Variants in EMSY observed in about 807,000 individuals in gnomAD.
EMSY encodes the protein BRCA2-interacting transcriptional repressor EMSY.
A neutral mutation model predicts 134.6 loss-of-function variants in EMSY; 26 were observed. The observed-to-expected ratio is 0.19, with a 90% CI of 0.14 to 0.27. The LOEUF is 0.27. Among genes scored for constraint, EMSY ranks in the 10% least tolerant of loss-of-function variants. The pLI, the probability that EMSY is intolerant of heterozygous loss-of-function variation, is 1.00. For synonymous variants in EMSY, 579 were observed against 577.8 expected, an observed-to-expected ratio of 1.00 and a Z score of -0.03; for missense variants, 1,305 against 1,611.4, an observed-to-expected ratio of 0.81 and a Z score of 3.26.
At chr11:76,550,757 G>A (rs1339141251) in exon 21 of EMSY, 2 of 152,296 alleles carry the variant, frequency 1.3e-5, no homozygotes, top group Non-Finnish European at 2.9e-5. Flanking sequence ...TCAGTTGTGT[G>A]CTAATTTATT....
chr11:76,449,411 A>C (rs1197294444), intron 2 of EMSY, among the ~76,000 whole-genome samples: 1 of 152,132 alleles, frequency 6.6e-6, no homozygotes, highest in Non-Finnish European at 1.5e-5. Flanking sequence ...TTTGTACATG[A>C]CTTCTTAGAC....
chr11:76,508,113 C>T (rs112409256), intron 9 of EMSY, among the ~76,000 whole-genome samples: 24 of 152,022 alleles, frequency 1.6e-4, no homozygotes, highest in Non-Finnish European at 2.4e-4. Flanking sequence ...TCAAACAATC[C>T]ACCTGCCACA....
chr11:76,521,546 T>C (rs1371301808), intron 11 of EMSY, among the ~76,000 whole-genome samples: 3 of 152,006 alleles, frequency 2.0e-5, no homozygotes, highest in Non-Finnish European at 4.4e-5. Context: ...GAGGATCCCT[T>C]GAGGCCAGGA....
chr11:76,526,763 A>G (rs1950860410), intron 13 of EMSY, 128 bp downstream of exon 14: 1 of 911,996 alleles, frequency 1.1e-6, no homozygotes, highest in Non-Finnish European at 1.6e-6. Flanking sequence ...GTTATGTTTG[A>G]ATGTGTTAAT....
chr11:76,544,667 C>T (rs2136767461), exon 19 of EMSY: 1 of 1,614,146 alleles, frequency 6.2e-7, no homozygotes, highest in Non-Finnish European at 8.5e-7. Flanking sequence ...GGCACAGCCC[C>T]CGCAAACTGT....
intron 9 of EMSY, among the ~76,000 whole-genome samples, chr11:76,505,560 C>G (rs905597086): frequency 6.6e-6 from 1 of 150,870 alleles, no homozygotes; most frequent in African/African-American, 2.4e-5. Flanking sequence ...AGAAAATAAT[C>G]TAAAAGAAAT....
intron 6 of EMSY, among the ~76,000 whole-genome samples, chr11:76,463,516 G>A (rs1252484725): frequency 6.6e-6 from 1 of 151,956 alleles, no homozygotes; most frequent in East Asian, 1.9e-4. Context: ...CCAGCTACTC[G>A]GGAGGCTGAG....
chr11:76,472,766 C>G, exon 8 of EMSY: 6 of 1,614,172 alleles, frequency 3.7e-6, no homozygotes, highest in Non-Finnish European at 5.1e-6. Flanking sequence ...ACACCATCAC[C>G]TATTCCTAAT....
At chr11:76,446,517 A>G (rs1229428091) in intron 1 of EMSY, among the ~76,000 whole-genome samples, 3 of 152,140 alleles carry the variant, frequency 2.0e-5, no homozygotes, top group East Asian at 1.9e-4. Context: ...CCAGGTTGGT[A>G]GTACCACCTG....
intron 9 of EMSY, among the ~76,000 whole-genome samples, chr11:76,505,846 G>C (rs1056823163): frequency 1.5e-4 from 22 of 150,144 alleles, no homozygotes; most frequent in Non-Finnish European, 2.7e-4. Context: ...AACAGAGCGA[G>C]ACTCTGTCTC....
chr11:76,546,325 C>T, intron 20 of EMSY, 28 bp downstream of exon 21: 2 of 1,581,234 alleles, frequency 1.3e-6, no homozygotes, highest in African/African-American at 1.3e-5. Context: ...AATGAGAAAT[C>T]TTGTGCATCT....
At chr11:76,472,946 T>G in intron 8 of EMSY, 106 bp downstream of exon 9, 1 of 1,225,738 alleles carries the variant, frequency 8.2e-7, no homozygotes. Context: ...TCCCTACTAT[T>G]AGACCCAAGA....
At chr11:76,494,810 A>G (rs1949584334) in intron 8 of EMSY, among the ~76,000 whole-genome samples, 1 of 148,882 alleles carries the variant, frequency 6.7e-6, no homozygotes, top group African/African-American at 2.5e-5. Context: ...ATCTCGGTTC[A>G]CTGCAACCTC....
At chr11:76,523,231 A>G (rs2136281658) in exon 12 of EMSY, 1 of 1,613,852 alleles carries the variant, frequency 6.2e-7, no homozygotes, top group Non-Finnish European at 8.5e-7. Flanking sequence ...CTACAGGAAA[A>G]GGAACGACCA....
chr11:76,540,512 C>T (rs1951396329), intron 17 of EMSY, among the ~76,000 whole-genome samples: 2 of 152,132 alleles, frequency 1.3e-5, no homozygotes, highest in Admixed American at 1.3e-4. Flanking sequence ...TAAAAGAATA[C>T]TGGTGATGCT....
chr11:76,502,050 A>G (rs1949882523), intron 9 of EMSY, among the ~76,000 whole-genome samples: 1 of 150,828 alleles, frequency 6.6e-6, no homozygotes, highest in South Asian at 2.1e-4. Flanking sequence ...AAATGAAAAA[A>G]AAAAAAAAAA....
At chr11:76,542,282 A>G (rs376882857) in exon 18 of EMSY, 4 of 1,614,082 alleles carry the variant, frequency 2.5e-6, no homozygotes, top group African/African-American at 1.3e-5. Flanking sequence ...CATGTGGCTC[A>G]GTCACAGACC....
At chr11:76,495,352 A>G (rs910329329) in intron 8 of EMSY, among the ~76,000 whole-genome samples, 27 of 152,228 alleles carry the variant, frequency 1.8e-4, no homozygotes, top group African/African-American at 6.3e-4. Flanking sequence ...CAGTGCTTAA[A>G]AAGTTAATAT....
intron 9 of EMSY, among the ~76,000 whole-genome samples, chr11:76,503,932 G>A (rs757682243): frequency 3.3e-5 from 5 of 150,930 alleles, no homozygotes; most frequent in East Asian, 3.9e-4. Flanking sequence ...TTACAGGCGC[G>A]CACCATCACG....
Sources: gnomAD v4.1 joint callset for allele counts (sites outside exome capture counted in the v4.1 genomes callset) on GRCh38, gnomAD v4.1.1 for gene constraint, MANE v1.5 for transcripts, NCBI Gene and HGNC (gene_info 2026-07-23, HGNC 2026-07-21) for gene names.